MOB4: variants seen among roughly 807,000 people sequenced by gnomAD.
The protein encoded by MOB4 is MOB family member 4, phocein.
In MOB4, 4 loss-of-function variants were observed where a neutral mutation model predicts 32.2. The ratio of observed to expected loss-of-function variants is 0.12; its 90% CI spans 0.06 to 0.28. MOB4 has a LOEUF of 0.28. MOB4 is among the 10% of genes least tolerant of loss of function. MOB4 has a pLI of 1.00. For missense variants in MOB4, 158 were observed against 271.2 expected (o/e 0.58, Z 2.93); for synonymous variants, 88 against 88.1 (o/e 1.00, Z 0.01).
chr2:197,549,488 T>G (rs1279075299), intron 6 of MOB4, among the ~76,000 whole-genome samples: 1 of 152,158 alleles, frequency 6.6e-6, no homozygotes, highest in South Asian at 2.1e-4. Flanking sequence ...GTATACATAT[T>G]TTAAAAAAGG....
intron 2 of MOB4, among the ~76,000 whole-genome samples, chr2:197,526,081 A>C (rs1329083977): frequency 6.6e-6 from 1 of 152,176 alleles, no homozygotes; most frequent in African/African-American, 2.4e-5. Flanking sequence ...CTTTGAATAA[A>C]AGTGGTGAAA....
intron 2 of MOB4, among the ~76,000 whole-genome samples, chr2:197,534,673 G>A (rs2086767274): frequency 6.6e-6 from 1 of 152,144 alleles, no homozygotes. Context: ...CTCCAGAGTA[G>A]CTGGGACTAC....
intron 1 of MOB4, among the ~76,000 whole-genome samples, chr2:197,521,262 GC>G (rs1429447148): frequency 1.2e-4 from 18 of 152,264 alleles, no homozygotes; most frequent in South Asian, 1.0e-3. Context: ...GTACCGTGAT[GC>G]CCCACAAGCT....
intron 1 of MOB4, among the ~76,000 whole-genome samples, chr2:197,518,364 A>G (rs542349823): frequency 9.3e-5 from 14 of 151,000 alleles, no homozygotes; most frequent in African/African-American, 3.4e-4. Flanking sequence ...CCACCTCCCG[A>G]GTTCAAGCGA....
At chr2:197,520,045 A>G (rs923577527) in intron 1 of MOB4, among the ~76,000 whole-genome samples, 5 of 152,218 alleles carry the variant, frequency 3.3e-5, no homozygotes, top group African/African-American at 1.2e-4. Flanking sequence ...CTCATTACCT[A>G]CTGTCCAAAC....
intron 2 of MOB4, chr2:197,533,722 CAAAAAAAAAAAAAA>C (rs796816631): frequency 7.4e-6 from 1 of 134,922 alleles, no homozygotes; most frequent in African/African-American, 5.7e-5. Context: ...CAAAACTCCT[CAAAAAAAAAAAAAA>C]AAAAAAAAAA....
intron 2 of MOB4, among the ~76,000 whole-genome samples, chr2:197,532,292 T>C (rs978499400): frequency 6.6e-6 from 1 of 152,244 alleles, no homozygotes; most frequent in Non-Finnish European, 1.5e-5. Flanking sequence ...GATTCTAGAT[T>C]TCTTCAAGAT....
At chr2:197,532,605 G>A (rs1361010449) in intron 2 of MOB4, among the ~76,000 whole-genome samples, 1 of 152,088 alleles carries the variant, frequency 6.6e-6, no homozygotes, top group Non-Finnish European at 1.5e-5. Flanking sequence ...AGAATTGCTT[G>A]AACCCAGGAA....
intron 1 of MOB4, 31 bp downstream of exon 1, chr2:197,516,177 A>G: frequency 1.3e-6 from 2 of 1,581,468 alleles, no homozygotes. Flanking sequence ...TTGTCGGGCA[A>G]CTAGGTGCCG....
chr2:197,525,164 TG>T (rs2086588365), intron 2 of MOB4, among the ~76,000 whole-genome samples: 2 of 151,636 alleles, frequency 1.3e-5, no homozygotes, highest in African/African-American at 2.4e-5. Flanking sequence ...GCTAACATGG[TG>T]AAACCCCATC....
chr2:197,529,799 G>A (rs758803270), intron 2 of MOB4, among the ~76,000 whole-genome samples: 30 of 151,882 alleles, frequency 2.0e-4, no homozygotes, highest in East Asian at 5.8e-4. Context: ...GACTACAGGC[G>A]CACACCACCG....
chr2:197,544,049 T>C (rs1339759457), intron 5 of MOB4, among the ~76,000 whole-genome samples: 3 of 151,500 alleles, frequency 2.0e-5, no homozygotes, highest in Non-Finnish European at 4.4e-5. Context: ...CGAGTTTCTT[T>C]CTTTTTTTTT....
intron 2 of MOB4, among the ~76,000 whole-genome samples, chr2:197,527,654 G>A (rs1297877254): frequency 6.6e-6 from 1 of 152,138 alleles, no homozygotes; most frequent in Non-Finnish European, 1.5e-5. Context: ...AGTTGCTCTG[G>A]CTAGAACTTT....
chr2:197,534,845 T>C (rs2086770106), intron 2 of MOB4, among the ~76,000 whole-genome samples: 1 of 151,946 alleles, frequency 6.6e-6, no homozygotes, highest in Non-Finnish European at 1.5e-5. Flanking sequence ...GCCCGGCCTT[T>C]TAGAACATAT....
chr2:197,532,812 A>G (rs2086730322), intron 2 of MOB4, among the ~76,000 whole-genome samples: 1 of 152,306 alleles, frequency 6.6e-6, no homozygotes, highest in Middle Eastern at 3.4e-3. Context: ...AGTTCTAGCC[A>G]TAGAAGACTG....
chr2:197,545,028 C>T (rs1240543096), intron 5 of MOB4, among the ~76,000 whole-genome samples: 2 of 152,070 alleles, frequency 1.3e-5, no homozygotes, highest in East Asian at 3.9e-4. Context: ...TGCATACGAC[C>T]CAGGAATTCC....
chr2:197,521,398 C>T (rs372785660), intron 1 of MOB4, among the ~76,000 whole-genome samples: 10 of 152,106 alleles, frequency 6.6e-5, no homozygotes, highest in African/African-American at 1.9e-4. Flanking sequence ...GGAGGCAGGG[C>T]GAGATCACAG....
At chr2:197,522,665 T>C (rs954094113) in intron 1 of MOB4, among the ~76,000 whole-genome samples, 79 of 152,094 alleles carry the variant, frequency 5.2e-4, no homozygotes, top group African/African-American at 1.8e-3. Flanking sequence ...CATATTTTGA[T>C]TTAGAAATTC....
chr2:197,537,237 G>A (rs1034717838), intron 3 of MOB4, among the ~76,000 whole-genome samples: 3 of 152,168 alleles, frequency 2.0e-5, no homozygotes, highest in Admixed American at 1.3e-4. Flanking sequence ...GATAGGTGGA[G>A]ATAACATTAA....
Sources: gnomAD v4.1 joint callset for allele counts (sites outside exome capture counted in the v4.1 genomes callset) on GRCh38, gnomAD v4.1.1 for gene constraint, MANE v1.5 for transcripts, NCBI Gene and HGNC (gene_info 2026-07-23, HGNC 2026-07-21) for gene names.